The following ALK variants were observed in gnomAD, a reference collection of about 807,000 sequenced individuals.
ALK encodes ALK receptor tyrosine kinase, also known as ALK tyrosine kinase receptor.
A neutral mutation model predicts 163.1 loss-of-function variants in ALK; 74 were observed. That is an observed-to-expected ratio of 0.45 (90% CI 0.38 to 0.55). The LOEUF (loss-of-function observed/expected upper bound fraction) is 0.55. Among genes scored for constraint, ALK ranks in the 20% least tolerant of loss-of-function variants. ALK has a pLI of 0.00. For synonymous variants in ALK, 960 were observed against 843.2 expected (o/e 1.14, Z -2.40); for missense variants, 2,063 against 2,105.3 (o/e 0.98, Z 0.39).
At chr2:29,758,372 T>C (rs939115936) in intron 1 of ALK, among the ~76,000 whole-genome samples, 1 of 152,122 alleles carries the variant, frequency 6.6e-6, no homozygotes, top group Non-Finnish European at 1.5e-5. Context: ...GCCTTGGTGT[T>C]AGGACTCACT....
intron 2 of ALK, among the ~76,000 whole-genome samples, chr2:29,700,837 C>T (rs1238533641): frequency 6.6e-6 from 1 of 152,196 alleles, no homozygotes; most frequent in African/African-American, 2.4e-5. Flanking sequence ...CCCAGTCTCC[C>T]TTATCAAAAC....
At chr2:29,517,617 A>G (rs1035292777) in intron 4 of ALK, among the ~76,000 whole-genome samples, 1 of 152,152 alleles carries the variant, frequency 6.6e-6, no homozygotes, top group African/African-American at 2.4e-5. Flanking sequence ...CACTCTCTCC[A>G]ATTTTTAAAC....
rs116443067 is a variant in ALK at position 29,863,070 on chromosome 2, G to A, written c.667+56923C>T. ...GAAAACTGGGTATCCATACGCAGAA[G>A]AATAAATTGGATCTTTATCTCGCCC... On this transcript the variant is annotated intron_variant, in intron 1 of 28. Coordinates refer to ENST00000389048, the MANE Select transcript of ALK (RefSeq NM_004304.5). 6.9e-3 allele frequency among the ~76,000 whole-genome samples: 1,048 copies of A among 152,264 alleles called. 11 individuals carry two copies. Among genetic ancestry groups the A allele is most frequent in the African/African-American group, 0.023 (962 of 41,574 alleles).
chr2:29,388,881 AC>A (rs1195864943), intron 4 of ALK, among the ~76,000 whole-genome samples: 1 of 152,188 alleles, frequency 6.6e-6, no homozygotes, highest in Non-Finnish European at 1.5e-5. Flanking sequence ...GTTAAATACA[AC>A]CCCAAGAAAT....
chr2:29,461,530 T>C (rs1238246552), intron 4 of ALK, among the ~76,000 whole-genome samples: 2 of 152,156 alleles, frequency 1.3e-5, no homozygotes, highest in Non-Finnish European at 2.9e-5. Flanking sequence ...TTAAGAATTA[T>C]GCTAAATCTA....
At chr2:29,417,403 T>C (rs923658374) in intron 4 of ALK, among the ~76,000 whole-genome samples, 1 of 152,184 alleles carries the variant, frequency 6.6e-6, no homozygotes, top group African/African-American at 2.4e-5. Flanking sequence ...TGAGCTATCC[T>C]GAGAGCCAAA....
At chr2:29,833,150 G>A (rs1438347615) in intron 1 of ALK, among the ~76,000 whole-genome samples, 2 of 152,240 alleles carry the variant, frequency 1.3e-5, no homozygotes. Context: ...ATGCCTGGAA[G>A]GAAAGTGAGC....
intron 1 of ALK, among the ~76,000 whole-genome samples, chr2:29,840,452 A>C (rs74348237): frequency 0.028 from 4,227 of 152,302 alleles, 209 homozygotes; most frequent in African/African-American, 0.096. Flanking sequence ...TCAGTCTAGT[A>C]ACAGTTAGTA....
At chr2:29,821,395 G>A (rs112552446) in intron 1 of ALK, among the ~76,000 whole-genome samples, 65 of 152,226 alleles carry the variant, frequency 4.3e-4, no homozygotes, top group African/African-American at 1.5e-3. Flanking sequence ...CACTTGGGAA[G>A]ACTTTCTCGG....
At chr2:29,342,897 T>TTTTTG in intron 5 of ALK, among the ~76,000 whole-genome samples, 1 of 147,532 alleles carries the variant, frequency 6.8e-6, no homozygotes. Context: ...TTTTTTTTTT[T>TTTTTG]TTTGATATGG....
chr2:29,558,814 T>C (rs1039776354), intron 3 of ALK, among the ~76,000 whole-genome samples: 1 of 152,208 alleles, frequency 6.6e-6, no homozygotes. Flanking sequence ...CATTCATTCA[T>C]TCTCTGCACC....
At chr2:29,898,946 C>G (rs1476323135) in intron 1 of ALK, among the ~76,000 whole-genome samples, 1 of 152,134 alleles carries the variant, frequency 6.6e-6, no homozygotes, top group Admixed American at 6.5e-5. Flanking sequence ...CAGGCACTTC[C>G]TCCTTCCTTC....
chr2:29,692,536 CTG>C (rs1169430142), intron 3 of ALK, among the ~76,000 whole-genome samples: 2 of 152,234 alleles, frequency 1.3e-5, no homozygotes, highest in African/African-American at 4.8e-5. Flanking sequence ...CATGCACAGT[CTG>C]TGTGTGTGCA....
chr2:29,451,518 T>C (rs1159966708), intron 4 of ALK, among the ~76,000 whole-genome samples: 2 of 150,798 alleles, frequency 1.3e-5, no homozygotes, highest in Admixed American at 6.6e-5. Context: ...GCTATCCTCA[T>C]CTTGTACTTG....
intron 4 of ALK, among the ~76,000 whole-genome samples, chr2:29,405,607 G>A (rs1346131522): frequency 6.6e-6 from 1 of 152,136 alleles, no homozygotes. Flanking sequence ...TTGGAAGCTA[G>A]CCCTCCTTTA....
At chr2:29,592,297 T>C (rs1363943525) in intron 3 of ALK, among the ~76,000 whole-genome samples, 3 of 152,126 alleles carry the variant, frequency 2.0e-5, no homozygotes, top group Non-Finnish European at 2.9e-5. Flanking sequence ...TCATTGCCAC[T>C]CCGAGGAGCT....
intron 12 of ALK, among the ~76,000 whole-genome samples, chr2:29,245,103 T>C (rs1198166595): frequency 1.3e-5 from 2 of 148,924 alleles, no homozygotes; most frequent in Non-Finnish European, 2.9e-5. Flanking sequence ...AGGGGCTCCA[T>C]GGCTCAGTGC....
At chr2:29,906,012 C>T (rs184107356) in intron 1 of ALK, among the ~76,000 whole-genome samples, 1 of 152,290 alleles carries the variant, frequency 6.6e-6, no homozygotes, top group Admixed American at 6.5e-5. Context: ...TCTGCCCATG[C>T]CTACCGCTAA....
chr2:29,774,783 A>G (rs1288924225), intron 1 of ALK, among the ~76,000 whole-genome samples: 2 of 152,218 alleles, frequency 1.3e-5, no homozygotes, highest in African/African-American at 4.8e-5. Flanking sequence ...GACACCCGTA[A>G]TTAAAGAGTT....
Sources: allele counts gnomAD v4.1 joint callset (sites outside exome capture counted in the v4.1 genomes callset), GRCh38; gene constraint gnomAD v4.1.1; transcripts MANE v1.5; gene names NCBI Gene and HGNC (gene_info 2026-07-23, HGNC 2026-07-21).